Variants in LINGO2 observed in about 807,000 individuals in gnomAD.
LINGO2 encodes leucine-rich repeat and immunoglobulin-like domain-containing nogo receptor-interacting protein 2.
In LINGO2, 14 loss-of-function variants were observed where a neutral mutation model predicts 30.6. That is an observed-to-expected ratio of 0.46 (90% CI 0.30 to 0.72). The LOEUF (loss-of-function observed/expected upper bound fraction) is 0.72. Ranked by LOEUF, LINGO2 falls within the 30% of genes least tolerant of loss-of-function variation. The pLI is 0.07. For synonymous variants in LINGO2, 317 were observed against 288.5 expected (o/e 1.10, Z -1.00); for missense variants, 729 against 751.7 (o/e 0.97, Z 0.35).
At chr9:28,713,638 T>C in the LINGO2 span, among the ~76,000 whole-genome samples, 2 of 152,158 alleles carry the variant, frequency 1.3e-5, no homozygotes, top group African/African-American at 2.4e-5. Context: ...TAGAAGGTAC[T>C]GATTTTGGAC....
the LINGO2 span, among the ~76,000 whole-genome samples, chr9:28,810,511 T>A: frequency 6.6e-6 from 1 of 152,126 alleles, no homozygotes; most frequent in Admixed American, 6.6e-5. Flanking sequence ...GAGAATTGTG[T>A]TGAAAAAGGC....
At chr9:29,202,111 A>C in the LINGO2 span, among the ~76,000 whole-genome samples, 1 of 152,170 alleles carries the variant, frequency 6.6e-6, no homozygotes, top group Non-Finnish European at 1.5e-5. Flanking sequence ...TTTTAATGGT[A>C]ATAAATAAGA....
At chr9:28,709,243 C>G in the LINGO2 span, among the ~76,000 whole-genome samples, 1 of 151,870 alleles carries the variant, frequency 6.6e-6, no homozygotes, top group Admixed American at 6.6e-5. Context: ...TTTTTTAACT[C>G]TCATACTATG....
At chr9:27,973,647 C>T (rs1276867542) in intron 5 of LINGO2, among the ~76,000 whole-genome samples, 1 of 152,118 alleles carries the variant, frequency 6.6e-6, no homozygotes, top group Admixed American at 6.5e-5. Flanking sequence ...ATGGTCACTG[C>T]CAGCTTAGCC....
chr9:28,216,923 A>T (rs962806431), intron 4 of LINGO2, among the ~76,000 whole-genome samples: 2 of 152,004 alleles, frequency 1.3e-5, no homozygotes, highest in African/African-American at 4.8e-5. Context: ...TCTCTTGCGC[A>T]CATGAAATTT....
At chr9:29,189,492 G>C in the LINGO2 span, among the ~76,000 whole-genome samples, 1 of 151,902 alleles carries the variant, frequency 6.6e-6, no homozygotes, top group Non-Finnish European at 1.5e-5. Context: ...CATCCCAGAC[G>C]GGGCGGTGGG....
the LINGO2 span, among the ~76,000 whole-genome samples, chr9:29,080,247 A>G: frequency 0.02 from 3,021 of 152,194 alleles, 92 homozygotes; most frequent in African/African-American, 0.068. Context: ...TGTTTACAGT[A>G]TTCTCTGATG....
intron 4 of LINGO2, among the ~76,000 whole-genome samples, chr9:28,270,799 C>T (rs1157497816): frequency 6.6e-6 from 1 of 152,046 alleles, no homozygotes; most frequent in African/African-American, 2.4e-5. Flanking sequence ...ATCATGCTTA[C>T]AATTTACAGG....
chr9:28,787,381 T>G, the LINGO2 span, among the ~76,000 whole-genome samples: 2 of 152,178 alleles, frequency 1.3e-5, no homozygotes, highest in Non-Finnish European at 1.5e-5. Context: ...CACCAGATTA[T>G]AGATGGCTTT....
the LINGO2 span, among the ~76,000 whole-genome samples, chr9:29,156,773 C>T: frequency 2.6e-5 from 4 of 152,000 alleles, no homozygotes; most frequent in Non-Finnish European, 5.9e-5. Flanking sequence ...GTAGGAAATT[C>T]ACTCATCCAT....
At chr9:28,055,901 C>T (rs961985479) in intron 4 of LINGO2, among the ~76,000 whole-genome samples, 1 of 152,152 alleles carries the variant, frequency 6.6e-6, no homozygotes, top group South Asian at 2.1e-4. Flanking sequence ...TGGCTGATTA[C>T]CACGATTACT....
the LINGO2 span, among the ~76,000 whole-genome samples, chr9:28,958,510 G>C: frequency 1.8e-4 from 27 of 152,056 alleles, no homozygotes; most frequent in Admixed American, 1.6e-3. Context: ...TTAGAATGCC[G>C]ACAGCCTCTC....
the LINGO2 span, among the ~76,000 whole-genome samples, chr9:28,885,448 CATATATACATACATAT>C: frequency 9.1e-4 from 97 of 106,380 alleles, no homozygotes; most frequent in East Asian, 0.019. Flanking sequence ...TATATACACA[CATATATACATACATAT>C]ATATATACAT....
intron 4 of LINGO2, among the ~76,000 whole-genome samples, chr9:28,216,352 A>G (rs1820766595): frequency 6.6e-6 from 1 of 151,936 alleles, no homozygotes; most frequent in Admixed American, 6.6e-5. Flanking sequence ...CTGAAGTTCT[A>G]AGCATATTAT....
At chr9:28,910,142 A>G in the LINGO2 span, among the ~76,000 whole-genome samples, 1 of 152,092 alleles carries the variant, frequency 6.6e-6, no homozygotes, top group South Asian at 2.1e-4. Context: ...CCCTTTTTTG[A>G]GTACTTTCAA....
At chr9:28,212,883 T>A (rs1202084864) in intron 4 of LINGO2, among the ~76,000 whole-genome samples, 1 of 151,354 alleles carries the variant, frequency 6.6e-6, no homozygotes, top group East Asian at 1.9e-4. Context: ...TGTGAATAAA[T>A]TTGTTTATCA....
chr9:28,578,686 C>T (rs1322938545), intron 1 of LINGO2, among the ~76,000 whole-genome samples: 1 of 151,994 alleles, frequency 6.6e-6, no homozygotes, highest in Non-Finnish European at 1.5e-5. Flanking sequence ...CTGCTAAAAC[C>T]AACCACTTCA....
the LINGO2 span, among the ~76,000 whole-genome samples, chr9:28,991,223 A>C: frequency 6.6e-6 from 1 of 152,000 alleles, no homozygotes; most frequent in Non-Finnish European, 1.5e-5. Context: ...AGAATGCAGA[A>C]GCCTCAGGAG....
At chr9:28,408,181 T>C (rs1455631008) in intron 2 of LINGO2, among the ~76,000 whole-genome samples, 3 of 152,160 alleles carry the variant, frequency 2.0e-5, no homozygotes, top group African/African-American at 7.2e-5. Context: ...TACCCTTGGG[T>C]ACATCATTTA....
Sources: allele counts gnomAD v4.1 joint callset (sites outside exome capture counted in the v4.1 genomes callset), GRCh38; gene constraint gnomAD v4.1.1; transcripts MANE v1.5; gene names NCBI Gene and HGNC (gene_info 2026-07-23, HGNC 2026-07-21).